The following BNC2 variants were observed in gnomAD, a reference collection of about 807,000 sequenced individuals.
BNC2 encodes the protein basonuclin zinc finger protein 2.
In BNC2, 20 loss-of-function variants were observed where a neutral mutation model predicts 76.3. The ratio of observed to expected loss-of-function variants is 0.26; its 90% CI spans 0.18 to 0.38. BNC2 has a LOEUF of 0.38. BNC2 is among the 10% of genes least tolerant of loss of function. The probability of loss-of-function intolerance (pLI) is 1.00; values close to 1 mark genes in which losing one functional copy is unlikely to be tolerated. For synonymous variants in BNC2, 582 were observed against 514.8 expected (o/e 1.13, Z -1.77); for missense variants, 1,382 against 1,399.8 (o/e 0.99, Z 0.20).
At chr9:16,517,895 C>T (rs981089456) in intron 5 of BNC2, among the ~76,000 whole-genome samples, 1 of 152,058 alleles carries the variant, frequency 6.6e-6, no homozygotes, top group Non-Finnish European at 1.5e-5. Flanking sequence ...CTCAGCCATA[C>T]TTCAGATGTG....
intron 1 of BNC2, among the ~76,000 whole-genome samples, chr9:16,831,094 A>C (rs541129842): frequency 1.3e-5 from 2 of 152,230 alleles, no homozygotes; most frequent in Non-Finnish European, 2.9e-5. Context: ...AATCAGTGTC[A>C]AGGTCCAATA....
At chr9:16,816,131 G>C (rs1280441469) in intron 1 of BNC2, among the ~76,000 whole-genome samples, 4 of 152,040 alleles carry the variant, frequency 2.6e-5, no homozygotes, top group Non-Finnish European at 5.9e-5. Context: ...TAGCAGAGCT[G>C]CATAAATTTT....
At chr9:16,851,134 C>G (rs1302760299) in intron 1 of BNC2, among the ~76,000 whole-genome samples, 5 of 152,170 alleles carry the variant, frequency 3.3e-5, no homozygotes. Context: ...TTCAATGCTT[C>G]ATTCAAATTT....
At chr9:16,498,609 A>G (rs1280699265) in intron 5 of BNC2, among the ~76,000 whole-genome samples, 2 of 151,860 alleles carry the variant, frequency 1.3e-5, no homozygotes, top group Non-Finnish European at 2.9e-5. Context: ...AATCACCACT[A>G]AAGAACTTAC....
chr9:16,809,508 A>G (rs140818013), intron 1 of BNC2, among the ~76,000 whole-genome samples: 176 of 152,282 alleles, frequency 1.2e-3, no homozygotes, highest in African/African-American at 4.1e-3. Context: ...TTTTATTTCC[A>G]CACCAGCTTT....
At chr9:16,571,333 T>C (rs1365646267) in intron 4 of BNC2, among the ~76,000 whole-genome samples, 4 of 152,146 alleles carry the variant, frequency 2.6e-5, no homozygotes, top group Non-Finnish European at 5.9e-5. Context: ...TAGCAAGATT[T>C]TGTAAGAGAG....
intron 1 of BNC2, among the ~76,000 whole-genome samples, chr9:16,742,153 A>G (rs1368541310): frequency 1.3e-5 from 2 of 152,200 alleles, no homozygotes; most frequent in East Asian, 3.9e-4. Flanking sequence ...AGTGTTTAGT[A>G]TGTAGTGGTC....
intron 5 of BNC2, among the ~76,000 whole-genome samples, chr9:16,443,045 T>TTGCAGAG (rs1443297559): frequency 6.9e-6 from 1 of 144,578 alleles, no homozygotes; most frequent in African/African-American, 2.6e-5. Context: ...GAAGTGAAGG[T>TTGCAGAG]TGCAGAGTGA....
At chr9:16,660,164 C>T (rs932313758) in intron 3 of BNC2, among the ~76,000 whole-genome samples, 4 of 152,134 alleles carry the variant, frequency 2.6e-5, no homozygotes, top group African/African-American at 9.7e-5. Context: ...GAAAATTACA[C>T]ATCTTTGGGG....
At chr9:16,474,187 T>C (rs1489157171) in intron 5 of BNC2, among the ~76,000 whole-genome samples, 1 of 152,208 alleles carries the variant, frequency 6.6e-6, no homozygotes, top group African/African-American at 2.4e-5. Context: ...CACTTATCCT[T>C]GCATACTGAA....
At chr9:16,617,089 T>C (rs1820726675) in intron 3 of BNC2, among the ~76,000 whole-genome samples, 2 of 152,114 alleles carry the variant, frequency 1.3e-5, no homozygotes, top group Admixed American at 6.5e-5. Context: ...CAGACAACCA[T>C]ATAATGCATT....
chr9:16,782,055 G>C (rs1021983848), intron 1 of BNC2, among the ~76,000 whole-genome samples: 4 of 152,042 alleles, frequency 2.6e-5, no homozygotes, highest in African/African-American at 7.2e-5. Flanking sequence ...GGGAGGCCGA[G>C]GGGGGCGGAT....
intron 1 of BNC2, among the ~76,000 whole-genome samples, chr9:16,774,268 C>A (rs1484101722): frequency 1.3e-5 from 2 of 152,204 alleles, no homozygotes; most frequent in Non-Finnish European, 2.9e-5. Context: ...CAGTCGTGAG[C>A]CACCGTGTCC....
At position 16,830,951 on chromosome 9, in the gene BNC2, T is replaced by G. The variant is rs140538546; in HGVS notation, c.3+39695A>C. ...TGCTTCTGCCTTCTAGAAATTGGAT[T>G]CCACTGGCAGCTGGCTGAATGAAGC... On this transcript the variant is annotated intron_variant, in intron 1 of 6. Coordinates refer to ENST00000380672, the MANE Select transcript of BNC2 (RefSeq NM_017637.6). 3.2e-4 allele frequency among the ~76,000 whole-genome samples: 48 copies of G among 152,308 alleles called. No homozygotes were observed. In the East Asian group the frequency reaches 8.9e-3, roughly 28 times the overall value.
intron 4 of BNC2, among the ~76,000 whole-genome samples, chr9:16,568,290 G>A (rs1267650675): frequency 3.9e-5 from 6 of 152,062 alleles, no homozygotes; most frequent in Admixed American, 3.9e-4. Flanking sequence ...AGTTGTTAGC[G>A]ATGAGATTTT....
chr9:16,517,170 G>T (rs1373629869), intron 5 of BNC2, among the ~76,000 whole-genome samples: 1 of 152,222 alleles, frequency 6.6e-6, no homozygotes, highest in Non-Finnish European at 1.5e-5. Flanking sequence ...ATTTACTGTT[G>T]TGTATAAGGT....
At chr9:16,810,022 T>C (rs1818005834) in intron 1 of BNC2, among the ~76,000 whole-genome samples, 2 of 152,258 alleles carry the variant, frequency 1.3e-5, no homozygotes, top group Admixed American at 1.3e-4. Flanking sequence ...AATGCAAAGG[T>C]ATGATTAAAG....
intron 5 of BNC2, among the ~76,000 whole-genome samples, chr9:16,484,961 T>C (rs748230437): frequency 2.6e-5 from 4 of 152,182 alleles, no homozygotes; most frequent in Non-Finnish European, 4.4e-5. Flanking sequence ...GCTTGAATGT[T>C]TGTTTGAGAA....
At position 16,783,006 on chromosome 9, in the gene BNC2, T is replaced by C. The variant is rs185536838; in HGVS notation, c.4-44521A>G. Among the ~76,000 whole-genome samples the C allele has an allele frequency of 3.3e-3, 501 of 152,336 alleles. 2 individuals are homozygous for C. Among genetic ancestry groups the C allele is most frequent in the Middle Eastern group, 0.02 (6 of 294 alleles). On this transcript the variant is annotated intron_variant, in intron 1 of 6. Coordinates refer to ENST00000380672, the MANE Select transcript of BNC2 (RefSeq NM_017637.6). ...ATCGGAGTGTAATCACTCAGTACTT[T>C]AAGCAAAAGACAGGTCTTAATGCTG...
Sources: allele counts gnomAD v4.1 joint callset (sites outside exome capture counted in the v4.1 genomes callset), GRCh38; gene constraint gnomAD v4.1.1; transcripts MANE v1.5; gene names NCBI Gene and HGNC (gene_info 2026-07-23, HGNC 2026-07-21).